PTBP2: variants seen among roughly 807,000 people sequenced by gnomAD.
PTBP2 encodes polypyrimidine tract-binding protein 2.
A neutral mutation model predicts 61.4 loss-of-function variants in PTBP2; 13 were observed. The observed-to-expected ratio is 0.21, with a 90% CI of 0.14 to 0.34. The LOEUF is 0.34. Ranked by LOEUF, PTBP2 falls within the 10% of genes least tolerant of loss-of-function variation. The pLI is 1.00. For missense variants in PTBP2, 405 were observed against 642.6 expected, an observed-to-expected ratio of 0.63 and a Z score of 4.00; for synonymous variants, 215 against 218.5, an observed-to-expected ratio of 0.98 and a Z score of 0.14.
intron 2 of PTBP2, among the ~76,000 whole-genome samples, chr1:96,750,841 C>T (rs2100908793): frequency 6.6e-6 from 1 of 152,156 alleles, no homozygotes; most frequent in Admixed American, 6.5e-5. Flanking sequence ...TGTGCAGTTA[C>T]CGAAGAGATG....
At chr1:96,809,507 A>AAGTT (rs2101235606) in intron 11 of PTBP2, among the ~76,000 whole-genome samples, 1 of 151,682 alleles carries the variant, frequency 6.6e-6, no homozygotes, top group South Asian at 2.1e-4. Flanking sequence ...CATGAGTCAG[A>AAGTT]AGTTTGTTTG....
chr1:96,732,378 CAG>C lies in PTBP2; in HGVS notation c.39+8786_39+8787del, dbSNP rs1651544068. Among the ~76,000 whole-genome samples the C allele has an allele frequency of 2.0e-5, 3 of 152,200 alleles. 1 individual carries two copies. In the South Asian group the frequency reaches 6.2e-4, roughly 32 times the overall value. On this transcript the variant is annotated intron_variant, in intron 2 of 13. Transcript: ENST00000674951. ...GTATTTTTATTAGAATTTCAATTAA[CAG>C]ATATTTTGATGTCTGCGAAATGACA...
intron 11 of PTBP2, among the ~76,000 whole-genome samples, chr1:96,811,486 C>G (rs1662079009): frequency 6.8e-6 from 1 of 146,534 alleles, no homozygotes; most frequent in Admixed American, 6.7e-5. Context: ...GTGGCACCAT[C>G]TCAGCTCACT....
chr1:96,818,524 T>A (rs1662564578), downstream of PTBP2: 1 of 151,988 alleles, frequency 6.6e-6, no homozygotes. Context: ...TCCTAGAACC[T>A]CCCTATTAAA....
Position 96,806,426 on chromosome 1 carries a change from C to A in PTBP2, c.1052C>A (p.Thr351Lys). The A allele has an allele frequency of 6.3e-7, 1 of 1,597,732 alleles. No homozygotes were observed. Among genetic ancestry groups the A allele is most frequent in the Non-Finnish European group, 8.6e-7 (1 of 1,165,208 alleles). Reference protein sequence around the residue: ...LVSNLNEEMVTPQSLFTLFGV... With the variant: ...LVSNLNEEMVKPQSLFTLFGV... ...TCTTCTCTCCTTCTAAAGATGGTTA[C>A]GCCCCAAAGTCTGTTTACCCTCTTC... The change falls in exon 10 of 14, where the codon ACG becomes AAG. Residue 351 changes from threonine to lysine, a missense_variant. Thr to Lys is a moderately conservative substitution (Grantham distance 78, BLOSUM62 -1). Around this residue, in one of 4 missense-constraint regions of PTBP2, gnomAD observed 342 missense variants for 491.2 expected, o/e 0.70. Coordinates refer to ENST00000674951, the MANE Select transcript of PTBP2 (RefSeq NM_021190.4).
intron 2 of PTBP2, among the ~76,000 whole-genome samples, chr1:96,743,430 T>G (rs923807201): frequency 6.6e-6 from 1 of 152,232 alleles, no homozygotes; most frequent in African/African-American, 2.4e-5. Context: ...GCAGATGTAC[T>G]CTATGTAATT....
rs1254242239 is a variant in PTBP2 at position 96,814,214 on chromosome 1, G to C, written c.*809G>C. On this transcript the variant is annotated 3_prime_UTR_variant, in exon 14 of 14. Coordinates refer to ENST00000674951, the MANE Select transcript of PTBP2 (RefSeq NM_021190.4). ...TGTTTGTGGCTGAATATTTTTCGTA[G>C]ATGTTTTTGAAGTTGACATGACTTA... 1 of 152,476 alleles carries C rather than the reference G, an allele frequency of 6.6e-6. No individual in the cohort carries two copies. Among genetic ancestry groups the C allele is most frequent in the South Asian group, 2.1e-4 (1 of 4,822 alleles). 9.4% of individuals were successfully genotyped at this position (152,476 alleles called of 1,614,324 possible).
chr1:96,730,997 T>G (rs1651320230), intron 2 of PTBP2, among the ~76,000 whole-genome samples: 1 of 152,202 alleles, frequency 6.6e-6, no homozygotes, highest in South Asian at 2.1e-4. Context: ...TGACTGGAAG[T>G]AGAAGTCCAC....
intron 2 of PTBP2, among the ~76,000 whole-genome samples, chr1:96,744,651 T>C (rs1653501752): frequency 6.6e-6 from 1 of 152,202 alleles, no homozygotes; most frequent in South Asian, 2.1e-4. Context: ...CTTATCTTTC[T>C]TGTAGGTGAT....
At chr1:96,803,411 A>C (rs1661214261) in intron 8 of PTBP2, among the ~76,000 whole-genome samples, 1 of 152,098 alleles carries the variant, frequency 6.6e-6, no homozygotes, top group Non-Finnish European at 1.5e-5. Context: ...AAGGGAGCAA[A>C]GTAAGAAAAA....
intron 8 of PTBP2, among the ~76,000 whole-genome samples, chr1:96,802,508 T>TG (rs1661123346): frequency 6.6e-6 from 1 of 152,206 alleles, no homozygotes; most frequent in South Asian, 2.1e-4. Flanking sequence ...TTTGGCTTAG[T>TG]GGGCCCTTAG....
At chr1:96,781,655 C>A (rs562160595) in intron 7 of PTBP2, among the ~76,000 whole-genome samples, 4 of 152,052 alleles carry the variant, frequency 2.6e-5, no homozygotes, top group Admixed American at 2.6e-4. Context: ...TAGATTAGAT[C>A]CCTTCCTTTC....
At chr1:96,755,742 A>C (rs1375460789) in intron 3 of PTBP2, among the ~76,000 whole-genome samples, 4 of 152,214 alleles carry the variant, frequency 2.6e-5, no homozygotes, top group Non-Finnish European at 4.4e-5. Flanking sequence ...AAAAGACTAC[A>C]TCCTGTATGA....
intron 2 of PTBP2, among the ~76,000 whole-genome samples, chr1:96,747,546 A>G (rs1246043115): frequency 6.6e-6 from 1 of 151,828 alleles, no homozygotes; most frequent in Non-Finnish European, 1.5e-5. Context: ...CCTTATTAAG[A>G]TAGTCAATTA....
At chr1:96,743,343 G>T (rs182478487) in intron 2 of PTBP2, among the ~76,000 whole-genome samples, 3 of 151,532 alleles carry the variant, frequency 2.0e-5, no homozygotes, top group Non-Finnish European at 4.4e-5. Flanking sequence ...CATTTCATAT[G>T]TTCTTCATGT....
At chr1:96,806,694 A>G (rs907813602) in intron 10 of PTBP2, 172 bp from the exon 11 acceptor site, 6 of 664,572 alleles carry the variant, frequency 9.0e-6, no homozygotes, top group African/African-American at 3.7e-5. Context: ...ATTCTTTTCA[A>G]AATTCACTGT....
chr1:96,727,137 G>A (rs914487800), intron 2 of PTBP2, among the ~76,000 whole-genome samples: 5 of 152,076 alleles, frequency 3.3e-5, no homozygotes, highest in African/African-American at 9.7e-5. Flanking sequence ...TAGAATTTTA[G>A]ATAAATGTAA....
chr1:96,764,042 G>A (rs956744301), intron 3 of PTBP2, among the ~76,000 whole-genome samples: 3 of 152,182 alleles, frequency 2.0e-5, no homozygotes, highest in African/African-American at 7.2e-5. Context: ...TTATGTTCCA[G>A]CTTCCAGCTT....
At chr1:96,734,219 A>G (rs1651831809) in intron 2 of PTBP2, among the ~76,000 whole-genome samples, 1 of 152,292 alleles carries the variant, frequency 6.6e-6, no homozygotes, top group South Asian at 2.1e-4. Flanking sequence ...ACCCATAGCT[A>G]AAATGATGAT....
Sources: allele counts gnomAD v4.1 joint callset (sites outside exome capture counted in the v4.1 genomes callset), GRCh38; gene constraint gnomAD v4.1.1; regional missense constraint gnomAD v4.1.1; transcripts MANE v1.5; gene names NCBI Gene and HGNC (gene_info 2026-07-23, HGNC 2026-07-21).